FNBP1: variants seen among roughly 807,000 people sequenced by gnomAD.
FNBP1 encodes formin-binding protein 1.
FNBP1 carries 26 observed loss-of-function variants against 90.6 expected under a neutral mutation model. The observed-to-expected ratio is 0.29, with a 90% CI of 0.21 to 0.40. FNBP1 has a LOEUF of 0.40. Among genes scored for constraint, FNBP1 ranks in the 10% least tolerant of loss-of-function variants. FNBP1 has a pLI of 1.00. For missense variants in FNBP1, 635 were observed against 768.0 expected, an observed-to-expected ratio of 0.83 and a Z score of 2.05; for synonymous variants, 260 against 265.2, an observed-to-expected ratio of 0.98 and a Z score of 0.19.
chr9:130,017,871 GTTTT>G (rs373281834), intron 1 of FNBP1, among the ~76,000 whole-genome samples: 5 of 93,788 alleles, frequency 5.3e-5, no homozygotes, highest in South Asian at 3.6e-4. Flanking sequence ...GTCTAACGTG[GTTTT>G]TTTTTTTTTT....
At chr9:130,008,434 G>A (rs1372238335) in intron 1 of FNBP1, among the ~76,000 whole-genome samples, 1 of 152,140 alleles carries the variant, frequency 6.6e-6, no homozygotes, top group East Asian at 1.9e-4. Flanking sequence ...CAAATAACTT[G>A]AAGAGGAAAA....
rs2059912234 is a variant in FNBP1 at position 130,042,453 on chromosome 9, C to T, written c.24+499G>A. Among the ~76,000 whole-genome samples the T allele has an allele frequency of 6.6e-6, 1 of 152,034 alleles. No individual in the cohort carries two copies. The highest frequency in any genetic ancestry group is 2.1e-4 in the South Asian group (1 of 4,830). On this transcript the variant is annotated intron_variant, in intron 1 of 16. Transcript: ENST00000446176. This position sits in a 1 kb window ranked among gnomAD's most constrained non-coding sequence, Gnocchi z 5.5. ...CTCGCCCCAGCACCCCAAAACCCGACCCCCGGCGCTCGCCCCGGCCGCCCC... is the reference window on the plus strand; with the variant it reads ...CTCGCCCCAGCACCCCAAAACCCGATCCCCGGCGCTCGCCCCGGCCGCCCC...
chr9:130,046,627 G>C (rs1296062746), upstream of FNBP1, among the ~76,000 whole-genome samples: 4 of 147,416 alleles, frequency 2.7e-5, no homozygotes, highest in African/African-American at 1.0e-4. Context: ...AATTAGCCCA[G>C]TGTGGTCATG....
intron 2 of FNBP1, among the ~76,000 whole-genome samples, chr9:129,991,096 G>A (rs2053077360): frequency 6.6e-6 from 1 of 151,802 alleles, no homozygotes. Flanking sequence ...ACCACGCCTG[G>A]CTAATGTTTT....
At chr9:129,908,781 G>A in intron 12 of FNBP1, 109 bp downstream of exon 12, 1 of 674,054 alleles carries the variant, frequency 1.5e-6, no homozygotes, top group Non-Finnish European at 2.6e-6. Context: ...TTGATCTCTT[G>A]ACCTCAGGTG....
intron 10 of FNBP1, among the ~76,000 whole-genome samples, chr9:129,916,942 G>C (rs1470195965): frequency 2.6e-5 from 4 of 152,024 alleles, no homozygotes; most frequent in Non-Finnish European, 5.9e-5. Flanking sequence ...GCTCCGTGGA[G>C]GGTGTCTGCT....
chr9:129,991,470 G>T (rs1045458297), intron 2 of FNBP1, among the ~76,000 whole-genome samples: 3 of 151,274 alleles, frequency 2.0e-5, no homozygotes, highest in African/African-American at 7.3e-5. Flanking sequence ...GCAGGGTCTC[G>T]CTATGTTGCT....
intron 1 of FNBP1, among the ~76,000 whole-genome samples, chr9:130,006,437 G>A (rs1403021174): frequency 6.6e-6 from 1 of 152,224 alleles, no homozygotes. Context: ...GGAGGTTGCA[G>A]TGAGCTGAGA....
intron 1 of FNBP1, among the ~76,000 whole-genome samples, chr9:130,024,955 G>C (rs1421918800): frequency 6.6e-6 from 1 of 152,142 alleles, no homozygotes; most frequent in Admixed American, 6.6e-5. Flanking sequence ...CGAGGTGGGT[G>C]AATCACCTGA....
At chr9:129,908,715 G>T (rs2038648009) in intron 12 of FNBP1, among the ~76,000 whole-genome samples, 175 bp downstream of exon 12, 1 of 151,758 alleles carries the variant, frequency 6.6e-6, no homozygotes, top group South Asian at 2.1e-4. Flanking sequence ...ACTGCACCTG[G>T]CTAGTTTTTA....
intron 12 of FNBP1, among the ~76,000 whole-genome samples, chr9:129,904,666 G>A (rs143567209): frequency 4.2e-4 from 64 of 152,236 alleles, no homozygotes; most frequent in African/African-American, 1.5e-3. Context: ...ACTTCCAGCC[G>A]CTTTATCTTG....
intron 9 of FNBP1, 86 bp downstream of exon 9, chr9:129,924,874 T>C: frequency 8.6e-7 from 1 of 1,164,372 alleles, no homozygotes; most frequent in Non-Finnish European, 1.2e-6. Flanking sequence ...AAACTACAGG[T>C]TTAGGATCTT....
In FNBP1 at chr9:129,928,497, A is replaced by G. The variant is rs575189899; in HGVS notation, c.642+1070T>C. 3.3e-5 allele frequency among the ~76,000 whole-genome samples: 5 copies of G among 152,160 alleles called. No homozygotes were observed. In the South Asian group the frequency reaches 1.0e-3, roughly 32 times the overall value. ...AACATGGTGAAACCCCGTCTCTACT[A>G]AAAATACAAAAAAGGTAGCCAGGTA... On this transcript the variant is annotated intron_variant, in intron 7 of 16. Transcript: ENST00000446176.
At chr9:129,975,961 G>GA (rs2050250260) in intron 4 of FNBP1, among the ~76,000 whole-genome samples, 1 of 150,334 alleles carries the variant, frequency 6.7e-6, no homozygotes, top group African/African-American at 2.4e-5. Context: ...AAACAACCAG[G>GA]AAAAAAATAT....
At position 129,978,632 on chromosome 9, in the gene FNBP1, C is replaced by T; in HGVS notation, c.198-20G>A. ...GTATACCTATGGAACAGAACACACG[C>T]CACTCTGTTTCACACAAGGCCACAT... On this transcript the variant is annotated intron_variant, in intron 3 of 16. Coordinates refer to ENST00000446176, the MANE Select transcript of FNBP1 (RefSeq NM_015033.3). 1 of 1,608,138 alleles carries T rather than the reference C, an allele frequency of 6.2e-7. No homozygotes were observed. Among genetic ancestry groups the T allele is most frequent in the Non-Finnish European group, 8.5e-7 (1 of 1,176,418 alleles).
At chr9:129,892,209 G>A (rs1302530984) in intron 16 of FNBP1, among the ~76,000 whole-genome samples, 1 of 152,078 alleles carries the variant, frequency 6.6e-6, no homozygotes, top group Non-Finnish European at 1.5e-5. Context: ...TTAAGTTGCA[G>A]TATATACACA....
intron 1 of FNBP1, among the ~76,000 whole-genome samples, chr9:130,034,347 G>A (rs1723506002): frequency 1.3e-5 from 2 of 150,932 alleles, no homozygotes; most frequent in Admixed American, 1.3e-4. Context: ...GTCAGGCGTG[G>A]TAGTGTACAC....
intron 1 of FNBP1, among the ~76,000 whole-genome samples, chr9:130,002,906 C>T (rs1176688590): frequency 6.6e-6 from 1 of 152,164 alleles, no homozygotes; most frequent in East Asian, 1.9e-4. Flanking sequence ...CACACTGCTC[C>T]TTGAATTCAA....
chr9:130,048,314 CAAAA>C, the FNBP1 span, among the ~76,000 whole-genome samples: 7 of 50,720 alleles, frequency 1.4e-4, no homozygotes, highest in South Asian at 2.5e-3. Context: ...GACTCCATCT[CAAAA>C]AAAAAAAAAA....
Sources: gnomAD v4.1 joint callset for allele counts (sites outside exome capture counted in the v4.1 genomes callset) on GRCh38, gnomAD v4.1.1 for gene constraint, Gnocchi (gnomAD v3.1) non-coding constraint, MANE v1.5 for transcripts, NCBI Gene and HGNC (gene_info 2026-07-23, HGNC 2026-07-21) for gene names.